Variants in SCFD2 observed in about 807,000 individuals in gnomAD.
SCFD2 encodes the protein sec1 family domain-containing protein 2.
SCFD2 carries 54 observed loss-of-function variants against 58.9 expected under a neutral mutation model. The observed-to-expected ratio is 0.92, with a 90% confidence interval of 0.74 to 1.15. SCFD2 has a LOEUF of 1.15. SCFD2 is among the 50% of genes most tolerant of loss of function. The probability of loss-of-function intolerance (pLI) is 0.00; values close to 1 mark genes in which losing one functional copy is unlikely to be tolerated. For missense variants in SCFD2, 805 were observed against 836.6 expected (o/e 0.96, Z 0.47); for synonymous variants, 321 against 335.9 (o/e 0.96, Z 0.49).
chr4:53,218,487 C>T (rs1418392184), intron 4 of SCFD2, among the ~76,000 whole-genome samples: 2 of 152,228 alleles, frequency 1.3e-5, no homozygotes, highest in African/African-American at 4.8e-5. Context: ...TGGTTTTCAG[C>T]TCCATCAGGT....
chr4:53,045,180 T>C (rs1184278348), intron 5 of SCFD2, among the ~76,000 whole-genome samples: 1 of 152,188 alleles, frequency 6.6e-6, no homozygotes, highest in Non-Finnish European at 1.5e-5. Flanking sequence ...CGTACATTTA[T>C]AGGATTTTAC....
At chr4:52,899,205 G>T (rs941949784) in intron 7 of SCFD2, among the ~76,000 whole-genome samples, 1 of 152,116 alleles carries the variant, frequency 6.6e-6, no homozygotes, top group Non-Finnish European at 1.5e-5. Context: ...ATGTTAGCTG[G>T]TTATTTTGCT....
intron 5 of SCFD2, among the ~76,000 whole-genome samples, chr4:53,115,063 A>G (rs1367548482): frequency 6.6e-6 from 1 of 152,140 alleles, no homozygotes; most frequent in African/African-American, 2.4e-5. Flanking sequence ...CAGGAAAGGG[A>G]AAACAGAAGA....
chr4:53,072,626 C>T (rs1222069848), intron 5 of SCFD2, among the ~76,000 whole-genome samples: 8 of 151,870 alleles, frequency 5.3e-5, no homozygotes, highest in Non-Finnish European at 1.5e-5. Flanking sequence ...ACACCTAGTC[C>T]TAACTAGTTT....
At chr4:53,109,211 G>A (rs755324459) in intron 5 of SCFD2, among the ~76,000 whole-genome samples, 6 of 151,976 alleles carry the variant, frequency 3.9e-5, no homozygotes, top group Non-Finnish European at 8.8e-5. Flanking sequence ...TTGATAAAAA[G>A]TATCTCAAAA....
chr4:53,149,077 A>G (rs1019801741), intron 4 of SCFD2, among the ~76,000 whole-genome samples: 1 of 152,240 alleles, frequency 6.6e-6, no homozygotes, highest in African/African-American at 2.4e-5. Flanking sequence ...AACTGTAGAC[A>G]TGCATGTAAC....
chr4:52,984,622 T>C (rs1721447923), intron 5 of SCFD2, among the ~76,000 whole-genome samples: 1 of 152,254 alleles, frequency 6.6e-6, no homozygotes, highest in Non-Finnish European at 1.5e-5. Flanking sequence ...GGAAACTGCC[T>C]GTTCACCATG....
At chr4:52,974,917 G>C in intron 5 of SCFD2, among the ~76,000 whole-genome samples, 1 of 152,096 alleles carries the variant, frequency 6.6e-6, no homozygotes. Flanking sequence ...CAAGAAATGG[G>C]GAAACGATTC....
At chr4:53,238,285 G>T (rs1729743165) in intron 4 of SCFD2, among the ~76,000 whole-genome samples, 1 of 28,844 alleles carries the variant, frequency 3.5e-5, no homozygotes, top group African/African-American at 1.3e-4. Flanking sequence ...CTCCTGGACG[G>T]GGCAGCTGGC....
At position 53,214,018 on chromosome 4, in the gene SCFD2, G is replaced by A. The variant is rs1489525382; in HGVS notation, c.1311+59808C>T. Among the ~76,000 whole-genome samples, 18 of 152,082 alleles carry A rather than the reference G, an allele frequency of 1.2e-4. 1 individual carries two copies. Among genetic ancestry groups the A allele is most frequent in the Admixed American group, 1.1e-3 (17 of 15,270 alleles). On this transcript the variant is annotated intron_variant, in intron 4 of 8. Transcript: ENST00000401642. ...TTTTATGGCTGCATAGTATCCCATG[G>A]TGTGTATGTGCCACATTTTCTTAAT...
intron 4 of SCFD2, among the ~76,000 whole-genome samples, chr4:53,197,119 G>A (rs184688589): frequency 1.3e-4 from 20 of 152,124 alleles, no homozygotes; most frequent in South Asian, 2.1e-4. Flanking sequence ...AAAGCATGGC[G>A]GGGGAGGAAA....
At chr4:53,277,321 T>C (rs1475723461) in intron 3 of SCFD2, among the ~76,000 whole-genome samples, 1 of 152,224 alleles carries the variant, frequency 6.6e-6, no homozygotes, top group East Asian at 1.9e-4. Context: ...AGAACAAATT[T>C]TCACACAAAA....
At chr4:53,066,647 C>A in intron 5 of SCFD2, among the ~76,000 whole-genome samples, 1 of 151,972 alleles carries the variant, frequency 6.6e-6, no homozygotes, top group African/African-American at 2.4e-5. Context: ...GGGCCCCCAC[C>A]CAACCAACAA....
intron 5 of SCFD2, among the ~76,000 whole-genome samples, chr4:53,031,722 G>A (rs1289430876): frequency 6.6e-6 from 1 of 152,046 alleles, no homozygotes; most frequent in Non-Finnish European, 1.5e-5. Context: ...AAACAGTTAA[G>A]ACAAGATTAG....
Position 53,277,629 on chromosome 4 carries a change from T to C in SCFD2, c.1136-3628A>G, listed in dbSNP as rs59830891. ...TAGATTCAAAATATATACAATTCAT[T>C]TCTTCTATAACTATGTTTTAGAGAG... On this transcript the variant is annotated intron_variant, in intron 3 of 8. Coordinates refer to ENST00000401642, the MANE Select transcript of SCFD2 (RefSeq NM_152540.4). Among the ~76,000 whole-genome samples, 683 of 152,356 alleles carry C rather than the reference T, an allele frequency of 4.5e-3. 2 individuals are homozygous for C. The highest frequency in any genetic ancestry group is 0.016 in the African/African-American group (657 of 41,586).
At chr4:53,116,640 T>C (rs1452211630) in intron 5 of SCFD2, among the ~76,000 whole-genome samples, 1 of 152,210 alleles carries the variant, frequency 6.6e-6, no homozygotes, top group Non-Finnish European at 1.5e-5. Context: ...GGAGTCCTGA[T>C]AACACTGTTC....
At chr4:53,170,742 C>A (rs1039784903) in intron 4 of SCFD2, among the ~76,000 whole-genome samples, 2 of 152,068 alleles carry the variant, frequency 1.3e-5, no homozygotes, top group South Asian at 2.1e-4. Flanking sequence ...GTGAATAGAT[C>A]TTTCACATTC....
At chr4:53,247,061 G>C (rs904856742) in intron 4 of SCFD2, among the ~76,000 whole-genome samples, 1 of 142,376 alleles carries the variant, frequency 7.0e-6, no homozygotes, top group Non-Finnish European at 1.5e-5. Context: ...TGAATACTAA[G>C]AATGAGAATT....
At chr4:52,920,190 T>C (rs1345972438) in intron 6 of SCFD2, among the ~76,000 whole-genome samples, 1 of 152,196 alleles carries the variant, frequency 6.6e-6, no homozygotes, top group Non-Finnish European at 1.5e-5. Flanking sequence ...CTTGATACCA[T>C]CTCTTTACTC....
Sources: gnomAD v4.1 joint callset for allele counts (sites outside exome capture counted in the v4.1 genomes callset) on GRCh38, gnomAD v4.1.1 for gene constraint, MANE v1.5 for transcripts, NCBI Gene and HGNC (gene_info 2026-07-23, HGNC 2026-07-21) for gene names.